UNC13C: variants seen among roughly 807,000 people sequenced by gnomAD.
UNC13C encodes the protein protein unc-13 homolog C.
Under a neutral mutation model 245.4 loss-of-function variants are expected in UNC13C, and 174 were observed. That is an observed-to-expected ratio of 0.71 (90% confidence interval 0.63 to 0.80). UNC13C has a LOEUF of 0.80. Among genes scored for constraint, UNC13C ranks in the 30% least tolerant of loss-of-function variants. The pLI is 0.00. For missense variants in UNC13C, 2,829 were observed against 2,602.9 expected, an observed-to-expected ratio of 1.09 and a Z score of -1.89; for synonymous variants, 992 against 895.1, an observed-to-expected ratio of 1.11 and a Z score of -1.93.
At chr15:54,005,293 G>T (rs1429197517) in intron 1 of UNC13C, among the ~76,000 whole-genome samples, 1 of 152,072 alleles carries the variant, frequency 6.6e-6, no homozygotes, top group Non-Finnish European at 1.5e-5. Flanking sequence ...TACTACATAG[G>T]TCACCACCTA....
intron 15 of UNC13C, among the ~76,000 whole-genome samples, chr15:54,333,317 A>T (rs576516994): frequency 2.0e-5 from 3 of 152,084 alleles, no homozygotes; most frequent in Non-Finnish European, 4.4e-5. Flanking sequence ...ATGCAAACTT[A>T]TTTTTTTAAC....
At chr15:53,960,630 A>T in the UNC13C span, among the ~76,000 whole-genome samples, 2 of 152,226 alleles carry the variant, frequency 1.3e-5, no homozygotes, top group African/African-American at 2.4e-5. Flanking sequence ...AGGACTCATT[A>T]AATAGTAACT....
intron 14 of UNC13C, among the ~76,000 whole-genome samples, chr15:54,326,173 G>T (rs906164054): frequency 6.6e-6 from 1 of 152,006 alleles, no homozygotes; most frequent in South Asian, 2.1e-4. Context: ...GAAAAGTTGG[G>T]GTAGTTGTAC....
At chr15:54,129,457 T>C (rs915320571) in intron 2 of UNC13C, among the ~76,000 whole-genome samples, 2 of 152,202 alleles carry the variant, frequency 1.3e-5, no homozygotes, top group Non-Finnish European at 2.9e-5. Context: ...GTGGAAGTTA[T>C]CCATTTTATA....
intron 18 of UNC13C, among the ~76,000 whole-genome samples, chr15:54,412,566 A>T (rs1387414260): frequency 1.3e-5 from 2 of 152,190 alleles, no homozygotes; most frequent in African/African-American, 4.8e-5. Flanking sequence ...ATTATAAATG[A>T]TACTATTATT....
chr15:54,566,489 T>C (rs1373061841), intron 29 of UNC13C, among the ~76,000 whole-genome samples: 1 of 152,116 alleles, frequency 6.6e-6, no homozygotes, highest in African/African-American at 2.4e-5. Context: ...ATGTAGTTTT[T>C]GCCAAAGCCT....
At chr15:53,994,923 T>A (rs903020999) in intron 1 of UNC13C, among the ~76,000 whole-genome samples, 1 of 151,896 alleles carries the variant, frequency 6.6e-6, no homozygotes, top group Admixed American at 6.6e-5. Context: ...GTAGGAGGTA[T>A]GGGAATGAGA....
chr15:54,163,607 C>G (rs1199436709), intron 4 of UNC13C, among the ~76,000 whole-genome samples: 1 of 152,120 alleles, frequency 6.6e-6, no homozygotes. Flanking sequence ...ATAACTAGAG[C>G]CTGTTGTGCA....
chr15:54,191,472 C>T (rs1178161950), intron 4 of UNC13C, among the ~76,000 whole-genome samples: 1 of 152,122 alleles, frequency 6.6e-6, no homozygotes, highest in Non-Finnish European at 1.5e-5. Flanking sequence ...TGAGTTCGTT[C>T]CAAGTCTTTG....
At chr15:54,373,278 C>A (rs569793150) in intron 17 of UNC13C, among the ~76,000 whole-genome samples, 2 of 152,310 alleles carry the variant, frequency 1.3e-5, no homozygotes, top group South Asian at 4.1e-4. Flanking sequence ...GCTTCATTAG[C>A]CAGAAAACTT....
At chr15:54,121,825 C>T (rs1426038435) in intron 2 of UNC13C, among the ~76,000 whole-genome samples, 3 of 151,684 alleles carry the variant, frequency 2.0e-5, no homozygotes, top group African/African-American at 7.3e-5. Context: ...TTCAAAAATG[C>T]TTTATATTTT....
At chr15:53,850,908 G>C in the UNC13C span, among the ~76,000 whole-genome samples, 1 of 150,482 alleles carries the variant, frequency 6.6e-6, no homozygotes, top group Non-Finnish European at 1.5e-5. Context: ...ATTTTGGAAA[G>C]TGCTATTACT....
intron 2 of UNC13C, among the ~76,000 whole-genome samples, chr15:54,110,792 G>A (rs1452540863): frequency 1.3e-5 from 2 of 152,018 alleles, no homozygotes; most frequent in Non-Finnish European, 2.9e-5. Context: ...GAACTGATTG[G>A]CCTCATAAGT....
At chr15:54,279,539 A>G (rs1213236857) in intron 10 of UNC13C, among the ~76,000 whole-genome samples, 2 of 152,160 alleles carry the variant, frequency 1.3e-5, no homozygotes, top group Non-Finnish European at 2.9e-5. Context: ...TGGAACCACA[A>G]CTTGTTACTG....
intron 4 of UNC13C, among the ~76,000 whole-genome samples, chr15:54,231,151 T>C (rs1020170283): frequency 8.5e-5 from 13 of 152,072 alleles, no homozygotes; most frequent in Non-Finnish European, 1.6e-4. Flanking sequence ...GATCTGAAGA[T>C]AATACTTTCC....
chr15:54,251,678 T>G (rs919630872), intron 8 of UNC13C, among the ~76,000 whole-genome samples: 3 of 152,268 alleles, frequency 2.0e-5, no homozygotes, highest in African/African-American at 7.2e-5. Context: ...TTCAACATGA[T>G]GTTCATTTGC....
At chr15:54,097,401 T>C (rs1215545752) in intron 2 of UNC13C, among the ~76,000 whole-genome samples, 1 of 152,120 alleles carries the variant, frequency 6.6e-6, no homozygotes, top group African/African-American at 2.4e-5. Context: ...TGTAAGAAAA[T>C]TAGGTGTTTT....
intron 30 of UNC13C, among the ~76,000 whole-genome samples, chr15:54,612,201 T>C (rs774400846): frequency 6.6e-6 from 1 of 152,046 alleles, no homozygotes; most frequent in Non-Finnish European, 1.5e-5. Flanking sequence ...AATAGTGGAC[T>C]CGAGTAGTTA....
At chr15:54,476,287 T>G (rs1892734337) in intron 19 of UNC13C, among the ~76,000 whole-genome samples, 1 of 145,286 alleles carries the variant, frequency 6.9e-6, no homozygotes, top group Non-Finnish European at 1.5e-5. Context: ...TAGTTTCTTT[T>G]GCTGTGCAGA....
Sources: gnomAD v4.1 joint callset for allele counts (sites outside exome capture counted in the v4.1 genomes callset) on GRCh38, gnomAD v4.1.1 for gene constraint, MANE v1.5 for transcripts, NCBI Gene and HGNC (gene_info 2026-07-23, HGNC 2026-07-21) for gene names.